Variants in LIMA1 observed in about 807,000 individuals in gnomAD.
LIMA1 encodes the protein LIM domain and actin binding 1, also known as LIM domain and actin-binding protein 1.
Under a neutral mutation model 62.6 loss-of-function variants are expected in LIMA1, and 52 were observed. That is an observed-to-expected ratio of 0.83 (90% CI 0.67 to 1.05). LIMA1 has a LOEUF of 1.05. Ranked by LOEUF, LIMA1 falls within the 50% of genes least tolerant of loss-of-function variation. The pLI, the probability that LIMA1 is intolerant of heterozygous loss-of-function variation, is 0.00. For synonymous variants in LIMA1, 302 were observed against 317.8 expected (o/e 0.95, Z 0.53); for missense variants, 780 against 902.2 (o/e 0.86, Z 1.74).
chr12:50,283,232 C>T lies in LIMA1; in HGVS notation c.-24+188G>A, dbSNP rs1265818752. 5.3e-5 allele frequency among the ~76,000 whole-genome samples: 8 copies of T among 151,814 alleles called. No individual in the cohort carries two copies. In the East Asian group the frequency reaches 1.6e-3, roughly 29 times the overall value. On this transcript the variant is annotated intron_variant, in intron 1 of 10. Transcript: ENST00000341247. ...AAGGCTCAGCCCGACATAAGCACTCCCCACCCAGCGCAGGCCCCAGAAGTG... is the reference window on the plus strand; with the variant it reads ...AAGGCTCAGCCCGACATAAGCACTCTCCACCCAGCGCAGGCCCCAGAAGTG...
At chr12:50,209,567 CAAAA>C (rs1203309856) in intron 4 of LIMA1, among the ~76,000 whole-genome samples, 1 of 61,702 alleles carries the variant, frequency 1.6e-5, no homozygotes. Context: ...GACTCCATCT[CAAAA>C]AAAAAAAAAA....
At chr12:50,178,907 G>A (rs1940417357) in intron 10 of LIMA1, among the ~76,000 whole-genome samples, 1 of 151,512 alleles carries the variant, frequency 6.6e-6, no homozygotes, top group East Asian at 1.9e-4. Context: ...CCATCATCAA[G>A]CTTTTGTGCT....
intron 8 of LIMA1, 103 bp downstream of exon 8, chr12:50,195,727 A>G (rs1419018898): frequency 8.9e-7 from 1 of 1,127,200 alleles, no homozygotes; most frequent in Non-Finnish European, 1.3e-6. Context: ...TAGAGGATTT[A>G]CTATGTTATT....
In LIMA1 at chr12:50,204,543, A is replaced by G. The variant is rs139115409; in HGVS notation, c.864+9T>C. On this transcript the variant is annotated intron_variant, in intron 6 of 10. Coordinates refer to ENST00000341247, the MANE Select transcript of LIMA1 (RefSeq NM_016357.5). ...ATGAATGAATGAATGAATGATGCAG[A>G]ACACATACTGTATAGTTGGTTGAGC... is the stretch of plus-strand genomic sequence containing the variant. 1.2e-6 allele frequency: 2 copies of G among 1,613,272 alleles called. No homozygotes were observed. Among genetic ancestry groups the G allele is most frequent in the Non-Finnish European group, 1.7e-6 (2 of 1,179,588 alleles).
Position 50,181,980 on chromosome 12 carries a change from T to C in LIMA1, c.1198A>G (p.Met400Val), listed in dbSNP as rs772896560. The C allele has an allele frequency of 2.5e-6, 4 of 1,613,496 alleles. No individual in the cohort carries two copies. The highest frequency in any genetic ancestry group is 2.2e-5 in the South Asian group (2 of 91,042). Reference sequence around the variant, plus strand: ...TGCTGGTTGGCCAAGAGACGCTCCATTGGATAGACTGTCTTCTGACATTCC... The same window carrying C: ...TGCTGGTTGGCCAAGAGACGCTCCACTGGATAGACTGTCTTCTGACATTCC... ...CVECQKTVYP[M>V]ERLLANQQVF... The change falls in exon 10 of 11, where the codon ATG (methionine) becomes GTG (valine). Residue 400 changes from methionine (M) to valine (V), a missense_variant. Physicochemically the swap from Met to Val is conservative, Grantham distance 21. Transcript: ENST00000341247.
chr12:50,195,462 G>T (rs562096917), intron 8 of LIMA1, among the ~76,000 whole-genome samples: 60 of 151,996 alleles, frequency 3.9e-4, no homozygotes, highest in Non-Finnish European at 7.6e-4. Flanking sequence ...ATTCACTAAA[G>T]AATAGGTATT....
chr12:50,235,975 G>A (rs868838563), intron 2 of LIMA1, among the ~76,000 whole-genome samples: 11 of 152,044 alleles, frequency 7.2e-5, no homozygotes, highest in Non-Finnish European at 8.8e-5. Flanking sequence ...AACCAGCCCC[G>A]CCAACCTGGC....
intron 2 of LIMA1, among the ~76,000 whole-genome samples, chr12:50,237,876 C>T (rs1941718314): frequency 6.6e-6 from 1 of 152,070 alleles, no homozygotes; most frequent in South Asian, 2.1e-4. Flanking sequence ...GCTAGGAAAA[C>T]TGGATAGCCA....
At chr12:50,248,474 C>T (rs1478378292) in intron 2 of LIMA1, among the ~76,000 whole-genome samples, 159 bp downstream of exon 2, 1 of 151,880 alleles carries the variant, frequency 6.6e-6, no homozygotes, top group Admixed American at 6.6e-5. Context: ...TGATTATTAC[C>T]CTCCTCCTCC....
chr12:50,214,196 A>G (rs1042972885), intron 4 of LIMA1, among the ~76,000 whole-genome samples: 2 of 152,264 alleles, frequency 1.3e-5, no homozygotes, highest in Admixed American at 1.3e-4. Context: ...AAGAGAAGCT[A>G]CAAACTATAG....
chr12:50,234,696 G>A (rs1941662945), intron 2 of LIMA1, among the ~76,000 whole-genome samples: 1 of 152,044 alleles, frequency 6.6e-6, no homozygotes, highest in African/African-American at 2.4e-5. Flanking sequence ...GGCATTTGGA[G>A]TAGGAGGTAA....
intron 2 of LIMA1, among the ~76,000 whole-genome samples, chr12:50,243,678 C>T (rs1021738937): frequency 8.5e-5 from 13 of 152,186 alleles, no homozygotes; most frequent in African/African-American, 2.9e-4. Context: ...TCCTGTTGCT[C>T]CCCTTCCTCT....
Position 50,272,541 on chromosome 12 carries a change from G to A in LIMA1, c.-24+10879C>T, listed in dbSNP as rs193290720. ...CGGGAGGTGGAGGTTGCAGTGAGCC[G>A]AGCTCGTGCCATTGCATTCCAGCCT... is the stretch of plus-strand genomic sequence containing the variant. On this transcript the variant is annotated intron_variant, in intron 1 of 10. Transcript: ENST00000341247. Among the ~76,000 whole-genome samples the A allele has an allele frequency of 2.8e-3, 412 of 147,596 alleles. 3 individuals carry two copies. Among genetic ancestry groups the A allele is most frequent in the African/African-American group, 9.6e-3 (382 of 39,742 alleles).
chr12:50,201,397 T>A, intron 6 of LIMA1: 1 of 983,158 alleles, frequency 1.0e-6, no homozygotes, highest in South Asian at 4.7e-5. Flanking sequence ...TAAAGAAACC[T>A]TTTTGGTGGG....
chr12:50,201,356 A>C (rs565610170), intron 6 of LIMA1: 1 of 984,632 alleles, frequency 1.0e-6, no homozygotes, highest in African/African-American at 1.7e-5. Flanking sequence ...ATGTATACAT[A>C]TAAAAACTGA....
At chr12:50,204,468 G>C (rs1003597288) in intron 6 of LIMA1, 84 bp downstream of exon 6, 64 of 1,447,100 alleles carry the variant, frequency 4.4e-5, no homozygotes, top group Non-Finnish European at 5.4e-5. Flanking sequence ...ACAAGGGTCT[G>C]GTGACATTTC....
chr12:50,271,462 TG>T (rs1198084571), intron 1 of LIMA1, among the ~76,000 whole-genome samples: 1 of 152,194 alleles, frequency 6.6e-6, no homozygotes, highest in East Asian at 1.9e-4. Context: ...CCGTCCCAGC[TG>T]ATCATTAACT....
At position 50,259,010 on chromosome 12, in the gene LIMA1, G is replaced by T. The variant is rs146694425; in HGVS notation, c.-23-10236C>A. ...TCTGACTCCAGTCTAGCATCACAAG[G>T]TTCATTCTAGTATTCCCTCTTGGCT... is the stretch of plus-strand genomic sequence containing the variant. On this transcript the variant is annotated intron_variant, in intron 1 of 10. Transcript: ENST00000341247. 6.6e-3 allele frequency among the ~76,000 whole-genome samples: 1,010 copies of T among 152,162 alleles called. 6 individuals are homozygous for T. Among genetic ancestry groups the T allele is most frequent in the Non-Finnish European group, 0.01 (699 of 67,986 alleles).
chr12:50,263,129 T>G (rs1420926311), intron 1 of LIMA1, among the ~76,000 whole-genome samples: 2 of 152,216 alleles, frequency 1.3e-5, no homozygotes, highest in African/African-American at 4.8e-5. Flanking sequence ...ATTGAGTTAT[T>G]CTCATTCTTT....
Sources: allele counts gnomAD v4.1 joint callset (sites outside exome capture counted in the v4.1 genomes callset), GRCh38; gene constraint gnomAD v4.1.1; transcripts MANE v1.5; gene names NCBI Gene and HGNC (gene_info 2026-07-23, HGNC 2026-07-21).